DISP1: variants seen among roughly 807,000 people sequenced by gnomAD.
The protein encoded by DISP1 is protein dispatched homolog 1.
DISP1 carries 30 observed loss-of-function variants against 37.3 expected under a neutral mutation model. The ratio of observed to expected loss-of-function variants is 0.80; its 90% CI spans 0.60 to 1.09. The LOEUF is 1.09. DISP1 is among the 50% of genes least tolerant of loss of function. The pLI, the probability that DISP1 is intolerant of heterozygous loss-of-function variation, is 0.00. For missense variants in DISP1, 1,598 were observed against 1,879.5 expected, an observed-to-expected ratio of 0.85 and a Z score of 2.77; for synonymous variants, 634 against 690.2, an observed-to-expected ratio of 0.92 and a Z score of 1.28.
chr1:222,979,128 G>A (rs111979973), intron 3 of DISP1, among the ~76,000 whole-genome samples: 1,561 of 152,316 alleles, frequency 0.01, 28 homozygotes, highest in African/African-American at 0.035. Context: ...CAATATATAA[G>A]CTGGGCACAG....
At chr1:222,900,820 TG>T (rs1671535745) in intron 1 of DISP1, among the ~76,000 whole-genome samples, 1 of 152,150 alleles carries the variant, frequency 6.6e-6, no homozygotes, top group Non-Finnish European at 1.5e-5. Context: ...GAGTGATGAG[TG>T]GGAGCTAAAG....
chr1:222,903,024 CA>C (rs1180748838), intron 1 of DISP1, among the ~76,000 whole-genome samples: 1 of 151,842 alleles, frequency 6.6e-6, no homozygotes, highest in African/African-American at 2.4e-5. Flanking sequence ...CGGCACTATT[CA>C]CAATAGCAAA....
chr1:223,005,485 T>C lies in DISP1; in HGVS notation c.4088T>C (p.Ile1363Thr). The C allele has an allele frequency of 6.2e-7, 1 of 1,613,778 alleles. No homozygotes were observed. The highest frequency in any genetic ancestry group is 8.5e-7 in the Non-Finnish European group (1 of 1,179,986). ...TTTTTCCTCCACCCAGTGCAGCACA[T>C]TCAGGCCCAAGAAAAAATTGGCAAG... ...RNFFLHPVQH[I>T]QAQEKIGKTN... The change falls in exon 9 of 9, where the codon ATT (isoleucine) becomes ACT (threonine). Residue 1363 changes from isoleucine to threonine, a missense_variant. By Grantham distance (89) the Ile-to-Thr change is moderately conservative (BLOSUM62 -1). Coordinates refer to ENST00000675850, the MANE Select transcript of DISP1 (RefSeq NM_001377229.1).
intron 3 of DISP1, among the ~76,000 whole-genome samples, chr1:222,966,562 C>A (rs1676508545): frequency 6.6e-6 from 1 of 152,182 alleles, no homozygotes; most frequent in South Asian, 2.1e-4. Flanking sequence ...TAAGGTTTTG[C>A]TTAAACTTTT....
intron 1 of DISP1, among the ~76,000 whole-genome samples, chr1:222,921,100 AGGAGTTCGAGACCACCCTG>A (rs1672785220): frequency 6.6e-6 from 1 of 152,174 alleles, no homozygotes; most frequent in Non-Finnish European, 1.5e-5. Flanking sequence ...TCCTGAGCTC[AGGAGTTCGAGACCACCCTG>A]GGCAACATGG....
intron 1 of DISP1, among the ~76,000 whole-genome samples, chr1:222,849,286 T>C (rs1668095244): frequency 6.6e-6 from 1 of 152,164 alleles, no homozygotes; most frequent in South Asian, 2.1e-4. Context: ...GAGAAACACA[T>C]CGTCAAGGGG....
At chr1:222,989,947 C>T (rs544633230) in intron 4 of DISP1, among the ~76,000 whole-genome samples, 67 of 152,070 alleles carry the variant, frequency 4.4e-4, no homozygotes, top group African/African-American at 1.4e-3. Context: ...GGACTACAGG[C>T]GTGTGCCACC....
chr1:222,854,687 C>G (rs184326254), intron 1 of DISP1, among the ~76,000 whole-genome samples: 2 of 151,350 alleles, frequency 1.3e-5, no homozygotes, highest in East Asian at 3.9e-4. Context: ...GCAGTGTTCT[C>G]CTTTCAGTTT....
chr1:222,936,190 G>A (rs936388659), intron 2 of DISP1, among the ~76,000 whole-genome samples: 5 of 152,154 alleles, frequency 3.3e-5, no homozygotes, highest in Non-Finnish European at 7.3e-5. Context: ...AGGAGCAATA[G>A]ACCATGCCAT....
chr1:222,854,341 G>A (rs931969022), intron 1 of DISP1, among the ~76,000 whole-genome samples: 17 of 152,080 alleles, frequency 1.1e-4, no homozygotes, highest in African/African-American at 1.9e-4. Flanking sequence ...CAATCATGGC[G>A]GAAGGCATCT....
At chr1:222,867,598 G>A (rs901964242) in intron 1 of DISP1, among the ~76,000 whole-genome samples, 4 of 152,148 alleles carry the variant, frequency 2.6e-5, no homozygotes, top group Non-Finnish European at 5.9e-5. Context: ...TCAGTGTGGA[G>A]GGACTTTAGA....
intron 1 of DISP1, among the ~76,000 whole-genome samples, chr1:222,825,036 C>A (rs1345008387): frequency 6.6e-6 from 1 of 151,964 alleles, no homozygotes; most frequent in Non-Finnish European, 1.5e-5. Context: ...TTAGTGGCCA[C>A]CAAATGAGTA....
At chr1:222,904,663 G>A (rs977807337) in intron 1 of DISP1, among the ~76,000 whole-genome samples, 3 of 151,880 alleles carry the variant, frequency 2.0e-5, no homozygotes, top group African/African-American at 7.2e-5. Flanking sequence ...TGCCTGGCAG[G>A]TTCAAGCAAT....
chr1:222,975,438 C>T (rs2102661380), intron 3 of DISP1, among the ~76,000 whole-genome samples: 1 of 152,284 alleles, frequency 6.6e-6, no homozygotes, highest in Admixed American at 6.5e-5. Context: ...GCTTTACAAG[C>T]TCCCCTTCTC....
intron 2 of DISP1, among the ~76,000 whole-genome samples, chr1:222,938,048 A>C (rs1325992390): frequency 6.6e-6 from 1 of 151,734 alleles, no homozygotes; most frequent in African/African-American, 2.4e-5. Flanking sequence ...TAACTTTTAA[A>C]TTGTTTTTAG....
intron 3 of DISP1, among the ~76,000 whole-genome samples, chr1:222,972,524 C>T (rs772660905): frequency 5.9e-5 from 9 of 152,288 alleles, no homozygotes; most frequent in Non-Finnish European, 1.2e-4. Context: ...CAAACAACCC[C>T]TAATCCAGTA....
rs918270786 is a variant in DISP1 at position 222,869,895 on chromosome 1, C to T, written c.-159+54817C>T. 1.1e-4 allele frequency among the ~76,000 whole-genome samples: 17 copies of T among 152,018 alleles called. No homozygotes were observed. In the East Asian group the frequency reaches 2.7e-3, roughly 24 times the overall value. ...TGTTGGTGTGCTGCACCCATTAACTCGTCATTTAGCATTAGGTATATCTCC... is the reference window on the plus strand; with the variant it reads ...TGTTGGTGTGCTGCACCCATTAACTTGTCATTTAGCATTAGGTATATCTCC... On this transcript the variant is annotated intron_variant, in intron 1 of 8. Transcript: ENST00000675850.
chr1:222,874,760 G>A (rs1377338214), intron 1 of DISP1, among the ~76,000 whole-genome samples: 1 of 152,002 alleles, frequency 6.6e-6, no homozygotes, highest in Non-Finnish European at 1.5e-5. Context: ...CTCTCAACTC[G>A]TCAAAGTCAT....
At chr1:222,886,174 T>G (rs1221990677) in intron 1 of DISP1, among the ~76,000 whole-genome samples, 1 of 152,172 alleles carries the variant, frequency 6.6e-6, no homozygotes, top group Non-Finnish European at 1.5e-5. Context: ...ACAAATTCCT[T>G]TTATACTTCT....
Sources: allele counts gnomAD v4.1 joint callset (sites outside exome capture counted in the v4.1 genomes callset), GRCh38; gene constraint gnomAD v4.1.1; transcripts MANE v1.5; gene names NCBI Gene and HGNC (gene_info 2026-07-23, HGNC 2026-07-21).